KALRN: variants seen among roughly 807,000 people sequenced by gnomAD.
KALRN encodes kalirin.
KALRN carries 70 observed loss-of-function variants against 353.7 expected under a neutral mutation model. The ratio of observed to expected loss-of-function variants is 0.20; its 90% confidence interval spans 0.16 to 0.24. The LOEUF is 0.24. KALRN is among the 10% of genes least tolerant of loss of function. KALRN has a pLI of 1.00. For missense variants in KALRN, 2,791 were observed against 3,756.7 expected (o/e 0.74, Z 6.72); for synonymous variants, 1,391 against 1,434.8 (o/e 0.97, Z 0.69).
intron 10 of KALRN, among the ~76,000 whole-genome samples, chr3:124,353,758 GAA>G (rs35205735): frequency 6.7e-6 from 1 of 149,146 alleles, no homozygotes; most frequent in African/African-American, 2.5e-5. Flanking sequence ...TTAGGCAAAT[GAA>G]AAAAAAAATA....
chr3:124,519,634 C>G, intron 33 of KALRN: 2 of 985,332 alleles, frequency 2.0e-6, no homozygotes, highest in Non-Finnish European at 2.4e-6. Context: ...GAGGATGTGA[C>G]TTGTTCAGTG....
chr3:124,276,364 T>A (rs750635371), intron 5 of KALRN, among the ~76,000 whole-genome samples: 20 of 152,114 alleles, frequency 1.3e-4, no homozygotes, highest in Non-Finnish European at 2.2e-4. Flanking sequence ...GGGCAAAGTA[T>A]CCACTGCTAT....
At chr3:124,111,630 C>T (rs1274750719) in intron 1 of KALRN, among the ~76,000 whole-genome samples, 3 of 152,188 alleles carry the variant, frequency 2.0e-5, no homozygotes, top group Non-Finnish European at 4.4e-5. Context: ...TCTTGTTCTA[C>T]TTTGAGACCT....
At chr3:124,567,657 C>T (rs2109991854) in intron 34 of KALRN, among the ~76,000 whole-genome samples, 1 of 152,240 alleles carries the variant, frequency 6.6e-6, no homozygotes, top group Non-Finnish European at 1.5e-5. Flanking sequence ...AGAGGCAAGC[C>T]TTTGTAGCAG....
chr3:124,067,273 C>T (rs1368616563), intron 1 of KALRN, among the ~76,000 whole-genome samples: 1 of 152,096 alleles, frequency 6.6e-6, no homozygotes, highest in Admixed American at 6.6e-5. Flanking sequence ...CTTCCTACAT[C>T]CCTGACCTTG....
At chr3:124,353,473 T>G (rs565857042) in intron 10 of KALRN, among the ~76,000 whole-genome samples, 1 of 152,116 alleles carries the variant, frequency 6.6e-6, no homozygotes, top group Non-Finnish European at 1.5e-5. Flanking sequence ...GCATCAAACA[T>G]GTTCTAACCC....
At chr3:124,145,952 C>T (rs189461235) in intron 1 of KALRN, among the ~76,000 whole-genome samples, 2 of 152,216 alleles carry the variant, frequency 1.3e-5, no homozygotes, top group Middle Eastern at 3.4e-3. Context: ...CAAGGGTGCA[C>T]CATCAAGGTG....
Position 124,719,557 on chromosome 3 carries a change from A to G in KALRN, c.*87A>G. 2 of 1,265,952 alleles carry G rather than the reference A, an allele frequency of 1.6e-6. No individual in the cohort carries two copies. The highest frequency in any genetic ancestry group is 2.2e-6 in the Non-Finnish European group (2 of 910,260). The allele number at this position is 1,265,952 out of a possible 1,614,324, so 78.4% of individuals were successfully genotyped here. On this transcript the variant is annotated 3_prime_UTR_variant, in exon 60 of 60. Transcript: ENST00000682506. The surrounding 1 kb of genome is among the most constrained non-coding windows in gnomAD (Gnocchi z 5.3). ...GTGACTGTAAATAATTCTGTTCATC[A>G]TTTCACTCCGTGCAGTTCTCTGAAT...
intron 5 of KALRN, among the ~76,000 whole-genome samples, chr3:124,296,207 G>T (rs2076831285): frequency 6.6e-6 from 1 of 152,102 alleles, no homozygotes; most frequent in East Asian, 1.9e-4. Context: ...CTGCCTACTG[G>T]ATACCTCCCC....
intron 54 of KALRN, among the ~76,000 whole-genome samples, chr3:124,697,339 A>ACCATCAACAT (rs1339100206): frequency 1.3e-5 from 2 of 152,092 alleles, no homozygotes; most frequent in Non-Finnish European, 2.9e-5. Context: ...CCATAAACCT[A>ACCATCAACAT]CCATCAACAT....
chr3:124,481,960 G>A (rs565742562), intron 27 of KALRN, among the ~76,000 whole-genome samples: 1 of 152,266 alleles, frequency 6.6e-6, no homozygotes, highest in Admixed American at 6.5e-5. Flanking sequence ...CTTTTTGAGG[G>A]GAGGGAGAAA....
At chr3:124,146,251 TGTCA>T (rs781753167) in intron 1 of KALRN, among the ~76,000 whole-genome samples, 1 of 152,202 alleles carries the variant, frequency 6.6e-6, no homozygotes, top group Non-Finnish European at 1.5e-5. Context: ...AACCATTTGT[TGTCA>T]GTCAGTAATG....
chr3:124,343,712 C>T (rs1485831704), intron 9 of KALRN, among the ~76,000 whole-genome samples: 1 of 152,204 alleles, frequency 6.6e-6, no homozygotes, highest in Non-Finnish European at 1.5e-5. Context: ...CCTGAGAAAC[C>T]TTCCGTGACT....
At chr3:124,683,603 C>A (rs554171350) in intron 51 of KALRN, among the ~76,000 whole-genome samples, 269 of 152,308 alleles carry the variant, frequency 1.8e-3, no homozygotes, top group Middle Eastern at 6.8e-3. Context: ...AACCCAATAC[C>A]TCTTGTAGCA....
chr3:124,187,751 G>A (rs1392555520), intron 1 of KALRN, among the ~76,000 whole-genome samples: 2 of 152,226 alleles, frequency 1.3e-5, no homozygotes, highest in Non-Finnish European at 2.9e-5. Flanking sequence ...AGTCTACAAT[G>A]TGGGGGTAGA....
intron 1 of KALRN, among the ~76,000 whole-genome samples, chr3:124,051,545 A>G (rs999908057): frequency 6.6e-6 from 1 of 152,234 alleles, no homozygotes; most frequent in Non-Finnish European, 1.5e-5. Flanking sequence ...TCAGTAATAA[A>G]TCAATGGAAA....
chr3:124,392,058 C>CT (rs982552387), intron 11 of KALRN, among the ~76,000 whole-genome samples: 10 of 148,716 alleles, frequency 6.7e-5, no homozygotes, highest in South Asian at 2.1e-4. Context: ...TTTCCTTTTT[C>CT]TTTTTTTTTT....
At chr3:124,085,791 C>G (rs1489212562) in intron 1 of KALRN, among the ~76,000 whole-genome samples, 1 of 152,188 alleles carries the variant, frequency 6.6e-6, no homozygotes, top group Non-Finnish European at 1.5e-5. Flanking sequence ...TTACAAAACA[C>G]AATTCTCTAC....
chr3:124,282,542 T>A (rs1267217214), intron 5 of KALRN, among the ~76,000 whole-genome samples: 1 of 152,038 alleles, frequency 6.6e-6, no homozygotes, highest in African/African-American at 2.4e-5. Flanking sequence ...CACACCTGGC[T>A]AATTTTGTAT....
Sources: gnomAD v4.1 joint callset for allele counts (sites outside exome capture counted in the v4.1 genomes callset) on GRCh38, gnomAD v4.1.1 for gene constraint, Gnocchi (gnomAD v3.1) non-coding constraint, MANE v1.5 for transcripts, NCBI Gene and HGNC (gene_info 2026-07-23, HGNC 2026-07-21) for gene names.